The following EYA2 variants were observed in gnomAD, a reference collection of about 807,000 sequenced individuals.
The protein encoded by EYA2 is protein phosphatase EYA2.
Under a neutral mutation model 69.2 loss-of-function variants are expected in EYA2, and 31 were observed. That is an observed-to-expected ratio of 0.45 (90% CI 0.34 to 0.60). The LOEUF is 0.60. Among genes scored for constraint, EYA2 ranks in the 20% least tolerant of loss-of-function variants. The pLI is 0.02. For synonymous variants in EYA2, 257 were observed against 279.4 expected (o/e 0.92, Z 0.80); for missense variants, 622 against 701.2 (o/e 0.89, Z 1.28).
chr20:47,047,796 G>A (rs189055478), intron 5 of EYA2, among the ~76,000 whole-genome samples: 3 of 152,220 alleles, frequency 2.0e-5, no homozygotes, highest in Non-Finnish European at 1.5e-5. Context: ...TGACCTTATC[G>A]TTCTGGAAAT....
chr20:47,043,480 G>T (rs2029887962), intron 5 of EYA2, among the ~76,000 whole-genome samples: 2 of 152,292 alleles, frequency 1.3e-5, no homozygotes, highest in South Asian at 4.1e-4. Context: ...GGTCATGGGT[G>T]CAGGCCGCAT....
chr20:47,122,626 CT>C (rs1345765647), intron 9 of EYA2, among the ~76,000 whole-genome samples: 1 of 152,038 alleles, frequency 6.6e-6, no homozygotes, highest in Non-Finnish European at 1.5e-5. Flanking sequence ...ATATAAGCTC[CT>C]TGAGGCAAGG....
chr20:46,925,074 A>G (rs991657411), intron 1 of EYA2, among the ~76,000 whole-genome samples: 3 of 152,102 alleles, frequency 2.0e-5, no homozygotes, highest in South Asian at 2.1e-4. Context: ...TGTCACCCCA[A>G]TCTCTGCCTC....
At chr20:46,969,437 T>C (rs1006044526) in intron 1 of EYA2, among the ~76,000 whole-genome samples, 3 of 152,244 alleles carry the variant, frequency 2.0e-5, no homozygotes, top group African/African-American at 7.2e-5. Context: ...GTAGTATTTG[T>C]TGACTGAATA....
chr20:47,137,021 G>A (rs2033493266), intron 9 of EYA2, among the ~76,000 whole-genome samples: 1 of 152,044 alleles, frequency 6.6e-6, no homozygotes, highest in African/African-American at 2.4e-5. Context: ...AAACAAAGAT[G>A]ACATTCCATC....
chr20:47,031,805 T>A (rs1181079866), intron 5 of EYA2, among the ~76,000 whole-genome samples: 2 of 151,842 alleles, frequency 1.3e-5, no homozygotes, highest in Non-Finnish European at 2.9e-5. Context: ...TGCCATCTGA[T>A]CATTGGCAGG....
At chr20:46,983,484 C>A (rs998572374) in intron 1 of EYA2, among the ~76,000 whole-genome samples, 1 of 152,144 alleles carries the variant, frequency 6.6e-6, no homozygotes, top group Non-Finnish European at 1.5e-5. Context: ...TTTCTCAAGG[C>A]TCCTCATCCT....
Position 46,986,321 on chromosome 20 carries a change from A to T in EYA2, c.-10-3680A>T, listed in dbSNP as rs973458117. Among the ~76,000 whole-genome samples the T allele has an allele frequency of 6.1e-5, 9 of 146,950 alleles. No homozygotes were observed. The East Asian group carries it at 7.8e-4, about 13-fold the overall frequency. Reference sequence around the variant, plus strand: ...AATGTATATATTATATATTATATATAATATCTCTATATATCTAATGTATAT... The same window carrying T: ...AATGTATATATTATATATTATATATTATATCTCTATATATCTAATGTATAT... On this transcript the variant is annotated intron_variant, in intron 1 of 15. Coordinates refer to ENST00000327619, the MANE Select transcript of EYA2 (RefSeq NM_005244.5).
At chr20:46,997,100 G>A (rs1251484938) in intron 2 of EYA2, among the ~76,000 whole-genome samples, 1 of 152,182 alleles carries the variant, frequency 6.6e-6, no homozygotes, top group Non-Finnish European at 1.5e-5. Flanking sequence ...TGTTCTGGGT[G>A]TGAACGGCTA....
intron 7 of EYA2, among the ~76,000 whole-genome samples, chr20:47,079,596 T>A (rs2031643130): frequency 6.6e-6 from 1 of 152,176 alleles, no homozygotes; most frequent in African/African-American, 2.4e-5. Flanking sequence ...CAAGAATATT[T>A]ATTTTTTTAA....
At chr20:47,120,185 A>G (rs2146556668) in intron 9 of EYA2, among the ~76,000 whole-genome samples, 1 of 152,014 alleles carries the variant, frequency 6.6e-6, no homozygotes, top group Middle Eastern at 3.4e-3. Flanking sequence ...TCCAGCCTGG[A>G]TGACAGAGCA....
chr20:47,036,457 C>T (rs913087766), intron 5 of EYA2, among the ~76,000 whole-genome samples: 2 of 152,050 alleles, frequency 1.3e-5, no homozygotes, highest in African/African-American at 2.4e-5. Context: ...CTGGTGCACA[C>T]GGGCATTATG....
At chr20:47,058,000 G>A (rs1232563450) in intron 5 of EYA2, among the ~76,000 whole-genome samples, 2 of 152,224 alleles carry the variant, frequency 1.3e-5, no homozygotes, top group Admixed American at 1.3e-4. Flanking sequence ...GATAGTAAGT[G>A]CTCAATAAAT....
At chr20:46,954,906 A>C (rs551123487) in intron 1 of EYA2, among the ~76,000 whole-genome samples, 9 of 152,152 alleles carry the variant, frequency 5.9e-5, no homozygotes, top group Non-Finnish European at 1.2e-4. Context: ...GAGGTTTTTC[A>C]TGTGTGTCAT....
chr20:46,953,615 A>G (rs1285802415), intron 1 of EYA2, among the ~76,000 whole-genome samples: 2 of 152,082 alleles, frequency 1.3e-5, no homozygotes, highest in Non-Finnish European at 2.9e-5. Context: ...TGTGCCTTGT[A>G]GGATGGTTAG....
chr20:46,970,173 C>A (rs533201885), intron 1 of EYA2, among the ~76,000 whole-genome samples: 3 of 152,306 alleles, frequency 2.0e-5, no homozygotes, highest in African/African-American at 7.2e-5. Flanking sequence ...TAGTTAAGCG[C>A]GACTGAAGCG....
chr20:46,952,311 G>A (rs1038969673), intron 1 of EYA2, among the ~76,000 whole-genome samples: 5 of 152,118 alleles, frequency 3.3e-5, no homozygotes, highest in African/African-American at 1.2e-4. Context: ...GAGATGGAGG[G>A]TGGCGGGATC....
At chr20:46,936,330 G>T (rs994465761) in intron 1 of EYA2, among the ~76,000 whole-genome samples, 3 of 152,170 alleles carry the variant, frequency 2.0e-5, no homozygotes, top group African/African-American at 4.8e-5. Flanking sequence ...AATTAGCTGG[G>T]TGTGGTGGCA....
At chr20:47,115,207 G>A (rs2146546869) in intron 9 of EYA2, among the ~76,000 whole-genome samples, 1 of 152,116 alleles carries the variant, frequency 6.6e-6, no homozygotes, top group East Asian at 1.9e-4. Context: ...GGGATTGCTT[G>A]AAAATGCAAA....
Sources: gnomAD v4.1 joint callset for allele counts (sites outside exome capture counted in the v4.1 genomes callset) on GRCh38, gnomAD v4.1.1 for gene constraint, MANE v1.5 for transcripts, NCBI Gene and HGNC (gene_info 2026-07-23, HGNC 2026-07-21) for gene names.